The following RNF213 variants were observed in gnomAD, a reference collection of about 807,000 sequenced individuals.
The protein encoded by RNF213 is ring finger protein 213, also known as E3 ubiquitin-protein ligase RNF213.
In RNF213, 341 loss-of-function variants were observed where a neutral mutation model predicts 514.4. That is an observed-to-expected ratio of 0.66 (90% confidence interval 0.61 to 0.73). The LOEUF is 0.73. Among genes scored for constraint, RNF213 ranks in the 30% least tolerant of loss-of-function variants. The pLI is 0.00. For missense variants in RNF213, 5,767 were observed against 6,615.6 expected, an observed-to-expected ratio of 0.87 and a Z score of 4.45; for synonymous variants, 2,655 against 2,658.2, an observed-to-expected ratio of 1.00 and a Z score of 0.04.
At chr17:80,389,132 C>T in intron 64 of RNF213, 41 bp from the exon 65 acceptor site, 1 of 1,596,456 alleles carries the variant, frequency 6.3e-7, no homozygotes, top group Non-Finnish European at 8.6e-7. Context: ...ATGCCAGAAA[C>T]CCAGCCCACA....
Position 80,353,587 on chromosome 17 carries a change from C to T in RNF213, c.10499C>T (p.Ala3500Val), listed in dbSNP as rs1405786607. ...GAGGCCAGCACATCAGGGGAGGTGG[C>T]AGAGGTGGCAGAGGAGGCCATGGAA... ...ETEASTSGEV[A>V]EVAEEAMETE... Residue 3500 changes from alanine to valine, a missense_variant, in exon 34 of 68, where the codon GCA becomes GTA. Physicochemically the swap from Ala to Val is moderately conservative, Grantham distance 64. Transcript: ENST00000582970. This position sits in a 1 kb window ranked among gnomAD's most constrained non-coding sequence, Gnocchi z 5.0. 6.2e-7 allele frequency: 1 copy of T among 1,613,298 alleles called. No individual in the cohort carries two copies. Among genetic ancestry groups the T allele is most frequent in the African/African-American group, 1.3e-5 (1 of 74,842 alleles).
chr17:80,383,013 AGAAAT>A lies in RNF213; in HGVS notation c.14016_14020del (p.Met4673GlufsTer14). 1 of 1,614,074 alleles carries A rather than the reference AGAAAT, an allele frequency of 6.2e-7. No homozygotes were observed. The highest frequency in any genetic ancestry group is 8.5e-7 in the Non-Finnish European group (1 of 1,179,916). On this transcript the variant is annotated frameshift_variant, in exon 58 of 68. Coordinates refer to ENST00000582970, the MANE Select transcript of RNF213 (RefSeq NM_001256071.3). LOFTEE classifies it high-confidence loss of function. ...ATTTTGACACAGAATTGTCAACTAA[AGAAAT>A]GAGGAACAACTGGGAAAAGGAAATC...
At chr17:80,368,740 CTGGT>C (rs1239740581) in intron 44 of RNF213, among the ~76,000 whole-genome samples, 3 of 152,166 alleles carry the variant, frequency 2.0e-5, no homozygotes, top group African/African-American at 7.2e-5. Flanking sequence ...GCCGACGCCA[CTGGT>C]TTTAATGCAT....
In RNF213 at chr17:80,345,670, C is replaced by A. The variant is rs150357089; in HGVS notation, c.7335C>A (p.Thr2445=). Residue 2445 remains threonine, a synonymous_variant, in exon 29 of 68, where the codon ACC becomes ACA. Transcript: ENST00000582970. This position sits in a 1 kb window ranked among gnomAD's most constrained non-coding sequence, Gnocchi z 6.0. ...GGCGTGGTGGTACCAATGCTGACAC[C>A]ATAAAGCTGGTCAAGGTGCACGGAG... ...DLRRGGTNAD[T]IKLVKVHGGT... The A allele has an allele frequency of 2.5e-6, 4 of 1,614,166 alleles. No individual in the cohort carries two copies. The highest frequency in any genetic ancestry group is 3.4e-6 in the Non-Finnish European group (4 of 1,180,038).
At chr17:80,298,213 C>T (rs1390525943) in intron 10 of RNF213, 108 bp from the exon 11 acceptor site, 17 of 1,158,046 alleles carry the variant, frequency 1.5e-5, no homozygotes, top group Admixed American at 5.9e-5. Flanking sequence ...GCGCGGTGCT[C>T]CTCTTGCTCT....
rs1047539549 is a variant in RNF213 at position 80,305,631 on chromosome 17, A to G, written c.2211-621A>G. On this transcript the variant is annotated intron_variant, in intron 11 of 67. Coordinates refer to ENST00000582970, the MANE Select transcript of RNF213 (RefSeq NM_001256071.3). ...TTTTTTCTTTCCTTTTTTTTTTTTGAGACAGAGTCTCACTCTGTTGCCCAG... is the reference window on the plus strand; with the variant it reads ...TTTTTTCTTTCCTTTTTTTTTTTTGGGACAGAGTCTCACTCTGTTGCCCAG... 8.3e-4 allele frequency among the ~76,000 whole-genome samples: 112 copies of G among 134,320 alleles called. 2 individuals are homozygous for G. Among genetic ancestry groups the G allele is most frequent in the African/African-American group, 3.0e-3 (97 of 32,598 alleles). 88.1% of individuals were successfully genotyped at this position (134,320 alleles called of 152,430 possible).
intron 28 of RNF213, among the ~76,000 whole-genome samples, chr17:80,344,459 G>C (rs761345533): frequency 6.6e-6 from 1 of 152,222 alleles, no homozygotes; most frequent in Non-Finnish European, 1.5e-5. Flanking sequence ...AGTTGGGTTA[G>C]AAAGTGATTT....
chr17:80,291,212 C>T (rs1407433791), intron 7 of RNF213, among the ~76,000 whole-genome samples: 1 of 151,946 alleles, frequency 6.6e-6, no homozygotes, highest in Non-Finnish European at 1.5e-5. Flanking sequence ...GTGTCATATT[C>T]CATCATGGAC....
rs1232150667 is a variant in RNF213, at chr17:80,336,308, G to T, written c.4457G>T (p.Ser1486Ile). 2.6e-6 allele frequency: 4 copies of T among 1,537,164 alleles called. No individual in the cohort carries two copies. Among genetic ancestry groups the T allele is most frequent in the South Asian group, 2.4e-5 (2 of 84,074 alleles). Residue 1486 changes from serine to isoleucine, a missense_variant, in exon 23 of 68, where the codon AGT (serine) becomes ATT (isoleucine). This residue lies in a region of RNF213 where 1,377 missense variants were observed against 1,635.2 expected (regional missense o/e 0.84). Transcript: ENST00000582970. ...LFKLDPSVDF[S>I]AFMKHLKKLW... is the part of the protein sequence containing the mutation. ...AAGCTGGACCCCAGCGTGGACTTCA[G>T]TGCATTCATGAAGCATCTGAAAAAG...
chr17:80,366,235 G>C (rs2079267385), intron 42 of RNF213, among the ~76,000 whole-genome samples: 1 of 152,142 alleles, frequency 6.6e-6, no homozygotes, highest in Non-Finnish European at 1.5e-5. Context: ...GGCATGGCTG[G>C]CTTTTAGTTG....
chr17:80,397,593 T>C lies in RNF213; in HGVS notation c.*4095T>C, dbSNP rs2080690051. 1 of 152,034 alleles carries C rather than the reference T, an allele frequency of 6.6e-6. No homozygotes were observed. The highest frequency in any genetic ancestry group is 1.5e-5 in the Non-Finnish European group (1 of 68,000). 9.4% of individuals were successfully genotyped at this position (152,034 alleles called of 1,614,324 possible). A position where few individuals can be genotyped will look rare whatever the true frequency, so the allele number is the denominator to read the frequency against. ...ATGCAGCCCCCAGTCACGTACCCCC[T>C]GCTTGCTCAATCAATCACGACCCTC... On this transcript the variant is annotated 3_prime_UTR_variant, in exon 68 of 68. Transcript: ENST00000582970.
rs1473875366 is a variant in RNF213, at chr17:80,355,589, G to A, written c.10862+1013G>A. ...GGAAGAAGCGGGGTGAGTGGGAATG[G>A]GGGCTTACAGGGGAAGAAGCGGGGT... On this transcript the variant is annotated intron_variant, in intron 36 of 67. Coordinates refer to ENST00000582970, the MANE Select transcript of RNF213 (RefSeq NM_001256071.3). Among the ~76,000 whole-genome samples, 8 of 93,026 alleles carry A rather than the reference G, an allele frequency of 8.6e-5. 1 individual carries two copies. Among genetic ancestry groups the A allele is most frequent in the Admixed American group, 4.0e-4 (4 of 9,978 alleles). 61.0% of individuals were successfully genotyped at this position (93,026 alleles called of 152,430 possible). A position where few individuals can be genotyped will look rare whatever the true frequency, so the allele number is the denominator to read the frequency against.
chr17:80,295,001 G>A lies in RNF213; in HGVS notation c.1753G>A (p.Glu585Lys). 2 of 1,614,170 alleles carry A rather than the reference G, an allele frequency of 1.2e-6. No homozygotes were observed. Among genetic ancestry groups the A allele is most frequent in the African/African-American group, 1.3e-5 (1 of 75,054 alleles). ...GACCGATTTGCAGTACAGGGAGAAA[G>A]AGGTATCAGGCTTGCCACCAGCTGC... is the stretch of plus-strand genomic sequence containing the variant. Reference protein sequence around the residue: ...LWTDLQYREKEVKRYLWQHLK... With the variant: ...LWTDLQYREKKVKRYLWQHLK... The change falls in exon 9 of 68, where the codon GAG (glutamate) becomes AAG (lysine). Residue 585 changes from glutamate to lysine, a missense_variant and splice_region_variant. Coordinates refer to ENST00000582970, the MANE Select transcript of RNF213 (RefSeq NM_001256071.3).
In RNF213 at chr17:80,339,436, T is replaced by C. The variant is rs757291180; in HGVS notation, c.5069T>C (p.Phe1690Ser). Reference protein sequence around the residue: ...MEHFLDSWKRFVTQKRMEHFY... With the variant: ...MEHFLDSWKRSVTQKRMEHFY... ...CACTTCCTTGACAGCTGGAAGAGAT[T>C]TGTGACCCAGAAGCGAATGGAGCAC... Residue 1690 changes from phenylalanine (F) to serine (S), a missense_variant, in exon 26 of 68, where the codon TTT becomes TCT. This residue lies in a region of RNF213 where 1,377 missense variants were observed against 1,635.2 expected (regional missense o/e 0.84). Transcript: ENST00000582970. 2.6e-6 allele frequency: 4 copies of C among 1,537,230 alleles called. No homozygotes were observed. The South Asian group carries it at 3.6e-5, about 14-fold the overall frequency.
chr17:80,373,300 TCATACCCC>T lies in RNF213; in HGVS notation c.12942+138_12942+145del. ...CTCACACCTTCCCCACCACATACCC[TCATACCCC>T]CACACCTCACCCTCACACCCCCACA... is the stretch of plus-strand genomic sequence containing the variant. On this transcript the variant is annotated intron_variant, in intron 49 of 67. Transcript: ENST00000582970. 1.9e-5 allele frequency: 10 copies of T among 525,260 alleles called. 1 individual carries two copies. Among genetic ancestry groups the T allele is most frequent in the South Asian group, 1.9e-4 (10 of 53,880 alleles). The allele number at this position is 525,260 out of a possible 1,614,324, so 32.5% of individuals were successfully genotyped here. A position where few individuals can be genotyped will look rare whatever the true frequency, so the allele number is the denominator to read the frequency against.
intron 67 of RNF213, among the ~76,000 whole-genome samples, chr17:80,392,809 C>G (rs548494211): frequency 1.3e-3 from 193 of 151,822 alleles, no homozygotes; most frequent in African/African-American, 4.3e-3. Context: ...AGGCTGGTCT[C>G]GAACTCCTGA....
chr17:80,336,296 G>C lies in RNF213; in HGVS notation c.4445G>C (p.Ser1482Thr), dbSNP rs1199222989. The change falls in exon 23 of 68, where the codon AGC becomes ACC. Residue 1482 changes from serine (S) to threonine (T), a missense_variant. This residue lies in a region of RNF213 where 1,377 missense variants were observed against 1,635.2 expected (regional missense o/e 0.84). Transcript: ENST00000582970. ...TCCCTGCTATTTAAGCTGGACCCCA[G>C]CGTGGACTTCAGTGCATTCATGAAG... is the stretch of plus-strand genomic sequence containing the variant. The part of the protein sequence containing the change: ...YASLLFKLDP[S>T]VDFSAFMKHL... 9 of 1,537,130 alleles carry C rather than the reference G, an allele frequency of 5.9e-6. No individual in the cohort carries two copies. The South Asian group carries it at 7.1e-5, about 12-fold the overall frequency.
chr17:80,291,641 G>T lies in RNF213; in HGVS notation c.1285G>T (p.Asp429Tyr). Reference protein sequence around the residue: ...ELHYTRDLGHDRVLVEGIVCI... With the variant: ...ELHYTRDLGHYRVLVEGIVCI... Reference sequence around the variant, plus strand: ...GTTCATTCACAGAGACTTGGGTCATGACCGCGTTCTTGTTGAAGGCATTGT... The same window carrying T: ...GTTCATTCACAGAGACTTGGGTCATTACCGCGTTCTTGTTGAAGGCATTGT... The change falls in exon 8 of 68, where the codon GAC becomes TAC. Residue 429 changes from aspartate to tyrosine, a missense_variant. By Grantham distance (160) the Asp-to-Tyr change is radical. This residue lies in a region of RNF213 where 592 missense variants were observed against 673.9 expected (regional missense o/e 0.88). Coordinates refer to ENST00000582970, the MANE Select transcript of RNF213 (RefSeq NM_001256071.3). 6.2e-7 allele frequency: 1 copy of T among 1,614,196 alleles called. No individual in the cohort carries two copies. Among genetic ancestry groups the T allele is most frequent in the South Asian group, 1.1e-5 (1 of 91,044 alleles).
At chr17:80,295,412 T>C (rs2143393952) in intron 9 of RNF213, 145 bp from the exon 10 acceptor site, 1 of 1,038,980 alleles carries the variant, frequency 9.6e-7, no homozygotes. Context: ...TTGGCTGCAC[T>C]GCAGCTCCTC....
Sources: allele counts gnomAD v4.1 joint callset (sites outside exome capture counted in the v4.1 genomes callset), GRCh38; gene constraint gnomAD v4.1.1; regional missense constraint gnomAD v4.1.1; non-coding constraint Gnocchi (gnomAD v3.1); transcripts MANE v1.5; gene names NCBI Gene and HGNC (gene_info 2026-07-23, HGNC 2026-07-21).